SUPT20H: variants seen among roughly 807,000 people sequenced by gnomAD.
The protein encoded by SUPT20H is SPT20 homolog, SAGA complex component.
In SUPT20H, 82 loss-of-function variants were observed where a neutral mutation model predicts 122.8. The observed-to-expected ratio is 0.67, with a 90% CI of 0.56 to 0.80. The LOEUF is 0.80. SUPT20H is among the 30% of genes least tolerant of loss of function. SUPT20H has a pLI of 0.00. For synonymous variants in SUPT20H, 291 were observed against 313.0 expected, an observed-to-expected ratio of 0.93 and a Z score of 0.74; for missense variants, 831 against 921.6, an observed-to-expected ratio of 0.90 and a Z score of 1.27.
intron 1 of SUPT20H, among the ~76,000 whole-genome samples, chr13:37,057,819 CA>C (rs1424358873): frequency 1.3e-5 from 2 of 151,738 alleles, no homozygotes; most frequent in East Asian, 3.9e-4. Flanking sequence ...ACTAAAAACA[CA>C]AAAATCAGCC....
intron 9 of SUPT20H, chr13:37,038,108 C>T (rs1594321959): frequency 6.6e-6 from 1 of 151,764 alleles, no homozygotes; most frequent in East Asian, 1.9e-4. Flanking sequence ...TGCATCAAAC[C>T]AGGAGGTACA....
At chr13:37,019,297 G>C in intron 22 of SUPT20H, 45 bp downstream of exon 22, 1 of 1,459,698 alleles carries the variant, frequency 6.9e-7, no homozygotes, top group Admixed American at 2.1e-5. Flanking sequence ...TAGAAAAAAA[G>C]TCAATGTACA....
At chr13:37,055,280 A>G (rs1233236575) in intron 1 of SUPT20H, among the ~76,000 whole-genome samples, 6 of 150,158 alleles carry the variant, frequency 4.0e-5, no homozygotes, top group Admixed American at 6.7e-5. Flanking sequence ...TAAAGTTCAT[A>G]TGGAACCAAA....
intron 16 of SUPT20H, among the ~76,000 whole-genome samples, 200 bp from the exon 17 acceptor site, chr13:37,025,637 T>A (rs552562536): frequency 1.3e-5 from 2 of 152,306 alleles, no homozygotes; most frequent in Admixed American, 1.3e-4. Flanking sequence ...TCCAAAACAT[T>A]GTGCTAAATA....
chr13:37,009,540 G>T lies in SUPT20H; in HGVS notation c.*132C>A. ...TTTTATTTAAAAATGATAAGGTTGT[G>T]CTTCTGTATAAAGTTTGTACATCTA... On this transcript the variant is annotated 3_prime_UTR_variant, in exon 26 of 26. Coordinates refer to ENST00000350612, the MANE Select transcript of SUPT20H (RefSeq NM_001014286.3). The T allele has an allele frequency of 9.0e-7, 1 of 1,110,818 alleles. No individual in the cohort carries two copies. The highest frequency in any genetic ancestry group is 1.3e-6 in the Non-Finnish European group (1 of 744,314). The allele number at this position is 1,110,818 out of a possible 1,614,324, so 68.8% of individuals were successfully genotyped here. A position where few individuals can be genotyped will look rare whatever the true frequency, so the allele number is the denominator to read the frequency against.
rs200698799 is a variant in SUPT20H, at chr13:37,012,290, T to A, written c.2000A>T (p.Glu667Val). 1.2e-5 allele frequency: 19 copies of A among 1,611,258 alleles called. No individual in the cohort carries two copies. Among genetic ancestry groups the A allele is most frequent in the Middle Eastern group, 1.6e-4 (1 of 6,066 alleles). Residue 667 changes from glutamate to valine, a missense_variant, in exon 24 of 26, where the codon GAG becomes GTG. Transcript: ENST00000350612. ...CTGTTCTTGACTGGTTGAACCTTGC[T>A]CAGAACCCTGAATAAAAAAATAATA... ...SPQQPGEQGSEQGSTSQEQAL... is the reference protein window; with the variant it reads ...SPQQPGEQGSVQGSTSQEQAL...
At chr13:37,042,086 T>C (rs533028847) in intron 7 of SUPT20H, among the ~76,000 whole-genome samples, 1 of 152,272 alleles carries the variant, frequency 6.6e-6, no homozygotes, top group African/African-American at 2.4e-5. Flanking sequence ...CGAGTGAGGA[T>C]GAGATCTAGA....
chr13:37,033,128 T>C (rs1292296114), intron 10 of SUPT20H, among the ~76,000 whole-genome samples: 1 of 151,260 alleles, frequency 6.6e-6, no homozygotes, highest in Non-Finnish European at 1.5e-5. Context: ...ATCTAAAGCA[T>C]AGAGCATTTA....
chr13:37,038,263 T>C (rs558942144), intron 9 of SUPT20H: 1 of 152,324 alleles, frequency 6.6e-6, no homozygotes, highest in East Asian at 1.9e-4. Context: ...CTTTCAAACT[T>C]TTATTTTTTA....
chr13:37,045,190 C>A (rs1178313434), intron 6 of SUPT20H, 57 bp downstream of exon 6: 2 of 1,601,356 alleles, frequency 1.2e-6, no homozygotes, highest in Non-Finnish European at 1.7e-6. Context: ...TTTAAAAAAA[C>A]CGCACATCCT....
Position 37,021,592 on chromosome 13 carries a change from C to A in SUPT20H, c.1672G>T (p.Ala558Ser), listed in dbSNP as rs1482376346. 12 of 1,612,378 alleles carry A rather than the reference C, an allele frequency of 7.4e-6. No homozygotes were observed. ...NVVGSVCGAQ[A>S]LMSGSNPMLG... The stretch of plus-strand genomic sequence containing the variant: ...ATGGGGTTTGAACCACTCATCAAAG[C>A]CTGGGCCCCACTGCAGGAGAATAAG... Residue 558 changes from alanine to serine, a missense_variant, in exon 21 of 26, where the codon GCT becomes TCT. Coordinates refer to ENST00000350612, the MANE Select transcript of SUPT20H (RefSeq NM_001014286.3).
intron 5 of SUPT20H, among the ~76,000 whole-genome samples, chr13:37,045,776 G>A (rs1183941078): frequency 6.6e-6 from 1 of 152,048 alleles, no homozygotes; most frequent in African/African-American, 2.4e-5. Context: ...AGAATTTGGG[G>A]CATTCTCTTT....
At chr13:37,058,865 G>T (rs2069883084) in intron 1 of SUPT20H, among the ~76,000 whole-genome samples, 1 of 152,082 alleles carries the variant, frequency 6.6e-6, no homozygotes, top group South Asian at 2.1e-4. Flanking sequence ...TTCTTAATTT[G>T]GATCTAACTT....
rs1255939712 is a variant in SUPT20H, at chr13:37,054,235, G to A, written c.-93-2652C>T. On this transcript the variant is annotated intron_variant, in intron 1 of 25. Transcript: ENST00000350612. Reference sequence around the variant, plus strand: ...TCCTTCTGAAACTATTCCAATCAATGGAAAAAGAGGGAATCCTCCCTAACT... The same window carrying A: ...TCCTTCTGAAACTATTCCAATCAATAGAAAAAGAGGGAATCCTCCCTAACT... Among the ~76,000 whole-genome samples the A allele has an allele frequency of 1.1e-4, 16 of 152,122 alleles. No homozygotes were observed. In the East Asian group the frequency reaches 1.7e-3, roughly 17 times the overall value.
At position 37,012,297 on chromosome 13, in the gene SUPT20H, C is replaced by T. The variant is rs561155305; in HGVS notation, c.1993G>A (p.Gly665Ser). 1.2e-6 allele frequency: 2 copies of T among 1,604,204 alleles called. No individual in the cohort carries two copies. Among genetic ancestry groups the T allele is most frequent in the Non-Finnish European group, 1.7e-6 (2 of 1,174,956 alleles). ...TCSPQQPGEQ[G>S]SEQGSTSQEQ... The stretch of plus-strand genomic sequence containing the variant: ...TGACTGGTTGAACCTTGCTCAGAAC[C>T]CTGAATAAAAAAATAATAAATGACT... The change falls in exon 24 of 26, where the codon GGT (glycine) becomes AGT (serine). Residue 665 changes from glycine (G) to serine (S), a missense_variant and splice_region_variant. By Grantham distance (56) the Gly-to-Ser change is moderately conservative. Transcript: ENST00000350612.
chr13:37,029,739 AAC>A (rs759259617), intron 13 of SUPT20H, 24 bp downstream of exon 13: 3 of 1,586,812 alleles, frequency 1.9e-6, no homozygotes, highest in South Asian at 1.2e-5. Flanking sequence ...CATAATTAGA[AAC>A]AGAGACAGGC....
rs1157685270 is a variant in SUPT20H, at chr13:37,024,379, G to C, written c.1393C>G (p.Pro465Ala). Residue 465 changes from proline (P) to alanine (A), a missense_variant, in exon 18 of 26, where the codon CCA (proline) becomes GCA (alanine). Physicochemically the swap from Pro to Ala is conservative, Grantham distance 27 (BLOSUM62 -1). Transcript: ENST00000350612. ...LGKGVKHRPPPIKLPSSSGNS... is the reference protein window; with the variant it reads ...LGKGVKHRPPAIKLPSSSGNS... ...CCTGAGCTTGAGGGAAGTTTGATTG[G>C]TGGGGGTCGATGTTTTACACCCTTC... The C allele has an allele frequency of 1.3e-6, 2 of 1,593,950 alleles. No homozygotes were observed. The highest frequency in any genetic ancestry group is 3.6e-5 in the Admixed American group (2 of 55,364).
intron 2 of SUPT20H, among the ~76,000 whole-genome samples, chr13:37,050,106 T>C (rs138010598): frequency 2.6e-5 from 4 of 152,290 alleles, no homozygotes; most frequent in Admixed American, 1.3e-4. Context: ...GTGGGCCTTC[T>C]TGCACTGTTC....
chr13:37,036,306 T>C (rs967101621), intron 9 of SUPT20H, among the ~76,000 whole-genome samples: 15 of 147,960 alleles, frequency 1.0e-4, no homozygotes, highest in Non-Finnish European at 2.1e-4. Context: ...ATTTGAACTA[T>C]GCAGGTCCAC....
Sources: gnomAD v4.1 joint callset for allele counts (sites outside exome capture counted in the v4.1 genomes callset) on GRCh38, gnomAD v4.1.1 for gene constraint, MANE v1.5 for transcripts, NCBI Gene and HGNC (gene_info 2026-07-23, HGNC 2026-07-21) for gene names.